ANKRD11: variants seen among roughly 807,000 people sequenced by gnomAD.
ANKRD11 encodes the protein ankyrin repeat domain 11, also known as ankyrin repeat domain-containing protein 11.
ANKRD11 carries 17 observed loss-of-function variants against 195.7 expected under a neutral mutation model. The observed-to-expected ratio is 0.09, with a 90% CI of 0.06 to 0.13. The LOEUF (loss-of-function observed/expected upper bound fraction) is 0.13, where lower values mean the gene tolerates loss of function less well. Among genes scored for constraint, ANKRD11 ranks in the 10% least tolerant of loss-of-function variants. The pLI, the probability that ANKRD11 is intolerant of heterozygous loss-of-function variation, is 1.00. For synonymous variants in ANKRD11, 1,953 were observed against 1,528.1 expected (o/e 1.28, Z -6.49); for missense variants, 3,735 against 3,566.1 (o/e 1.05, Z -1.21).
chr16:89,269,697 G>A (rs917666645), intron 12 of ANKRD11, among the ~76,000 whole-genome samples: 4 of 151,886 alleles, frequency 2.6e-5, no homozygotes, highest in East Asian at 1.9e-4. Context: ...TCTGTCTCCC[G>A]GGTTCAAATG....
Position 89,284,460 on chromosome 16 carries a change from A to C in ANKRD11, c.2082T>G (p.Phe694Leu). Residue 694 changes from phenylalanine to leucine, a missense_variant, in exon 9 of 13, where the codon TTT (phenylalanine) becomes TTG (leucine). Physicochemically the swap from Phe to Leu is conservative, Grantham distance 22. Transcript: ENST00000301030. ...TTTTGCTAAGTTTCTCTTCTTTTTT[A>C]AAGTGGTCGCGATCGTGCTTTAACA... is the stretch of plus-strand genomic sequence containing the variant. ...LKVLKHDRDHFKKEEKLSKMK... is the reference protein window; with the variant it reads ...LKVLKHDRDHLKKEEKLSKMK... 1 of 1,613,788 alleles carries C rather than the reference A, an allele frequency of 6.2e-7. No homozygotes were observed.
chr16:89,338,505 A>C (rs1039322864), intron 2 of ANKRD11, among the ~76,000 whole-genome samples: 4 of 151,690 alleles, frequency 2.6e-5, no homozygotes, highest in Non-Finnish European at 5.9e-5. Context: ...CGAGGCGGGC[A>C]ATCACCTGAG....
intron 2 of ANKRD11, chr16:89,373,474 C>T (rs2040283157): frequency 6.6e-6 from 1 of 152,388 alleles, no homozygotes; most frequent in African/African-American, 2.4e-5. Flanking sequence ...GCTGCTCCTT[C>T]GAGCCGTGCA....
intron 2 of ANKRD11, among the ~76,000 whole-genome samples, chr16:89,403,386 A>T: frequency 6.6e-6 from 1 of 152,156 alleles, no homozygotes; most frequent in Non-Finnish European, 1.5e-5. Flanking sequence ...GTCTGAGGAT[A>T]GGAAGCAGCA....
intron 6 of ANKRD11, among the ~76,000 whole-genome samples, chr16:89,290,012 AG>A (rs746311996): frequency 1.3e-5 from 2 of 152,276 alleles, no homozygotes; most frequent in Non-Finnish European, 2.9e-5. Context: ...CCTGAGCAAC[AG>A]AGCGAGACCC....
chr16:89,453,923 T>C (rs887384133), intron 1 of ANKRD11, among the ~76,000 whole-genome samples: 2 of 152,176 alleles, frequency 1.3e-5, no homozygotes. Context: ...CCAACTTCCT[T>C]GTGCCTCAAC....
chr16:89,339,234 G>T (rs886725680), intron 2 of ANKRD11, among the ~76,000 whole-genome samples: 22 of 152,218 alleles, frequency 1.4e-4, no homozygotes, highest in African/African-American at 5.3e-4. Context: ...TGAAGGTGAA[G>T]TTTTGCTGTT....
At chr16:89,286,634 G>A in intron 7 of ANKRD11, 1 of 1,207,234 alleles carries the variant, frequency 8.3e-7, no homozygotes, top group Non-Finnish European at 1.1e-6. Flanking sequence ...GGGTTGGGGG[G>A]ACAGAATAGA....
chr16:89,303,358 C>T (rs2035967277), intron 4 of ANKRD11, among the ~76,000 whole-genome samples: 1 of 152,214 alleles, frequency 6.6e-6, no homozygotes, highest in Non-Finnish European at 1.5e-5. Flanking sequence ...CTGACTTTCT[C>T]TAGGCCTAAA....
intron 1 of ANKRD11, among the ~76,000 whole-genome samples, chr16:89,421,784 T>G (rs1403605545): frequency 8.9e-5 from 13 of 146,360 alleles, no homozygotes; most frequent in Non-Finnish European, 2.0e-4. Flanking sequence ...CGTCCATGTC[T>G]GGGGGTGGGG....
At chr16:89,431,525 G>T (rs1406670933) in intron 1 of ANKRD11, among the ~76,000 whole-genome samples, 7 of 152,138 alleles carry the variant, frequency 4.6e-5, no homozygotes, top group Non-Finnish European at 1.0e-4. Flanking sequence ...CATCTAGCAT[G>T]GTCTCGCAGT....
intron 2 of ANKRD11, among the ~76,000 whole-genome samples, chr16:89,372,311 G>A (rs2040229252): frequency 6.6e-6 from 1 of 152,232 alleles, no homozygotes; most frequent in Non-Finnish European, 1.5e-5. Context: ...GGCGGCGGCA[G>A]CGCCCAGCGA....
intron 4 of ANKRD11, chr16:89,298,039 A>AGGGTG (rs2035565280): frequency 6.1e-5 from 4 of 65,148 alleles, no homozygotes; most frequent in African/African-American, 1.7e-4. Context: ...GGGTAGGGGT[A>AGGGTG]GGGTGGGGTG....
chr16:89,328,344 C>T (rs150320119), intron 2 of ANKRD11, among the ~76,000 whole-genome samples: 64 of 152,344 alleles, frequency 4.2e-4, no homozygotes, highest in African/African-American at 1.5e-3. Context: ...CACCCCAGGA[C>T]ATTTATCTGA....
chr16:89,283,531 T>G lies in ANKRD11; in HGVS notation c.3011A>C (p.His1004Pro). ...GKGLEPWERH[H>P]PAREKEKKDG... is the part of the protein sequence containing the mutation. ...CTTCTTCTCCTTCTCTCGTGCTGGG[T>G]GGTGCCGTTCCCACGGCTCCAGGCC... The change falls in exon 9 of 13, where the codon CAC becomes CCC. Residue 1004 changes from histidine (H) to proline (P), a missense_variant. Transcript: ENST00000301030. The surrounding 1 kb of genome is among the most constrained non-coding windows in gnomAD (Gnocchi z 4.3). 6.2e-7 allele frequency: 1 copy of G among 1,613,366 alleles called. No individual in the cohort carries two copies. Among genetic ancestry groups the G allele is most frequent in the Non-Finnish European group, 8.5e-7 (1 of 1,180,044 alleles).
chr16:89,347,910 C>CACTTT (rs1281558336), intron 2 of ANKRD11, among the ~76,000 whole-genome samples: 4 of 151,884 alleles, frequency 2.6e-5, no homozygotes, highest in Non-Finnish European at 5.9e-5. Context: ...CTTTGCAGAG[C>CACTTT]ACTTTCCTCA....
At chr16:89,413,805 C>G (rs2042190832) in intron 2 of ANKRD11, among the ~76,000 whole-genome samples, 1 of 152,146 alleles carries the variant, frequency 6.6e-6, no homozygotes, top group Non-Finnish European at 1.5e-5. Context: ...AGACTCTGCA[C>G]TCCCACAACG....
At chr16:89,387,454 C>T (rs915862421) in intron 2 of ANKRD11, among the ~76,000 whole-genome samples, 9 of 150,116 alleles carry the variant, frequency 6.0e-5, no homozygotes, top group African/African-American at 2.2e-4. Context: ...GGGCAGATCA[C>T]GAGGTCAGGA....
chr16:89,407,686 T>C (rs747485), intron 2 of ANKRD11, among the ~76,000 whole-genome samples: 79,722 of 150,170 alleles, frequency 0.53, 21,161 homozygotes, highest in Middle Eastern at 0.72. Flanking sequence ...CACACACACA[T>C]AGACACACAC....
Sources: gnomAD v4.1 joint callset for allele counts (sites outside exome capture counted in the v4.1 genomes callset) on GRCh38, gnomAD v4.1.1 for gene constraint, Gnocchi (gnomAD v3.1) non-coding constraint, MANE v1.5 for transcripts, NCBI Gene and HGNC (gene_info 2026-07-23, HGNC 2026-07-21) for gene names.